GRB2: variants seen among roughly 807,000 people sequenced by gnomAD.
GRB2 encodes growth factor receptor-bound protein 2.
GRB2 carries 2 observed loss-of-function variants against 27.4 expected under a neutral mutation model. The observed-to-expected ratio is 0.07, with a 90% CI of 0.03 to 0.23. The LOEUF is 0.23. Among genes scored for constraint, GRB2 ranks in the 10% least tolerant of loss-of-function variants. The pLI, the probability that GRB2 is intolerant of heterozygous loss-of-function variation, is 1.00. For missense variants in GRB2, 102 were observed against 282.4 expected, an observed-to-expected ratio of 0.36 and a Z score of 4.58; for synonymous variants, 94 against 99.6, an observed-to-expected ratio of 0.94 and a Z score of 0.33.
At chr17:75,370,121 A>G (rs1246539645) in intron 2 of GRB2, among the ~76,000 whole-genome samples, 1 of 152,214 alleles carries the variant, frequency 6.6e-6, no homozygotes, top group African/African-American at 2.4e-5. Context: ...TAAATTCATT[A>G]TTTTGTGGAT....
chr17:75,325,325 T>C (rs905543510), intron 4 of GRB2, among the ~76,000 whole-genome samples: 22 of 152,014 alleles, frequency 1.4e-4, no homozygotes, highest in African/African-American at 5.3e-4. Context: ...ACAGCTGAGG[T>C]GTGAATTGTT....
intron 2 of GRB2, among the ~76,000 whole-genome samples, chr17:75,334,304 G>C (rs1365221281): frequency 6.6e-6 from 1 of 152,062 alleles, no homozygotes; most frequent in Non-Finnish European, 1.5e-5. Context: ...CCGAGTGGCT[G>C]GGACTACAGG....
intron 1 of GRB2, chr17:75,394,042 G>A (rs565679003): frequency 4.4e-5 from 9 of 203,352 alleles, no homozygotes; most frequent in Non-Finnish European, 8.1e-5. Context: ...CTGCGTGCAG[G>A]AACCGGCTGG....
chr17:75,345,322 G>A (rs1358691495), intron 2 of GRB2, among the ~76,000 whole-genome samples: 1 of 152,086 alleles, frequency 6.6e-6, no homozygotes, highest in Non-Finnish European at 1.5e-5. Context: ...GGGATTACAG[G>A]CGTGAACCAC....
At chr17:75,329,010 G>C (rs2078521190) in intron 3 of GRB2, among the ~76,000 whole-genome samples, 1 of 152,076 alleles carries the variant, frequency 6.6e-6, no homozygotes, top group Non-Finnish European at 1.5e-5. Flanking sequence ...CTCAATCGGG[G>C]GGCCCCAATC....
intron 2 of GRB2, among the ~76,000 whole-genome samples, chr17:75,356,135 T>C (rs2078732070): frequency 6.6e-6 from 1 of 152,108 alleles, no homozygotes; most frequent in South Asian, 2.1e-4. Context: ...CACCTGGCCC[T>C]ATCTATCTTA....
rs142498317 is a variant in GRB2 at position 75,346,815 on chromosome 17, G to A, written c.79-14018C>T. On this transcript the variant is annotated intron_variant, in intron 2 of 5. Transcript: ENST00000316804. ...CAAACTCCTAACCTCAAGTCACCTT[G>A]GCCTCTCAAAGTGCTGGGATTACAG... Among the ~76,000 whole-genome samples, 18 of 151,878 alleles carry A rather than the reference G, an allele frequency of 1.2e-4. No individual in the cohort carries two copies. In the East Asian group the frequency reaches 3.1e-3, roughly 26 times the overall value.
At chr17:75,366,845 T>C (rs1473801837) in intron 2 of GRB2, among the ~76,000 whole-genome samples, 1 of 152,062 alleles carries the variant, frequency 6.6e-6, no homozygotes, top group Non-Finnish European at 1.5e-5. Flanking sequence ...AAATTTTTTT[T>C]CCCTGAAATA....
rs1311930819 is a variant in GRB2 at position 75,337,898 on chromosome 17, CTACTATTATTAT to C, written c.79-5113_79-5102del. Among the ~76,000 whole-genome samples the C allele has an allele frequency of 2.5e-3, 333 of 133,504 alleles. 3 individuals are homozygous for C. Among genetic ancestry groups the C allele is most frequent in the Middle Eastern group, 0.015 (4 of 262 alleles). The allele number at this position is 133,504 out of a possible 152,430, so 87.6% of individuals were successfully genotyped here. On this transcript the variant is annotated intron_variant, in intron 2 of 5. Coordinates refer to ENST00000316804, the MANE Select transcript of GRB2 (RefSeq NM_002086.5). ...ACTACTACTACTACTACTACTACTACTACTATTATTATTATTATTATTATTATTATTATTATT... is the reference window on the plus strand; with the variant it reads ...ACTACTACTACTACTACTACTACTACTATTATTATTATTATTATTATTATT...
chr17:75,337,552 T>A (rs1413366146), intron 2 of GRB2, among the ~76,000 whole-genome samples: 1 of 149,276 alleles, frequency 6.7e-6, no homozygotes, highest in Non-Finnish European at 1.5e-5. Flanking sequence ...ACAAATAATT[T>A]TTATTTTATT....
intron 2 of GRB2, among the ~76,000 whole-genome samples, chr17:75,388,142 G>A (rs1179373478): frequency 6.6e-6 from 1 of 152,074 alleles, no homozygotes; most frequent in Admixed American, 6.5e-5. Flanking sequence ...GGTTGCCCAG[G>A]CTGGAGTGGA....
chr17:75,351,911 C>A (rs754361485), intron 2 of GRB2, among the ~76,000 whole-genome samples: 1 of 152,152 alleles, frequency 6.6e-6, no homozygotes, highest in Non-Finnish European at 1.5e-5. Context: ...TCACTTATCA[C>A]GTATAGTTAC....
At chr17:75,326,638 G>A (rs144284949) in intron 3 of GRB2, among the ~76,000 whole-genome samples, 265 of 152,332 alleles carry the variant, frequency 1.7e-3, no homozygotes, top group African/African-American at 5.3e-3. Context: ...AAGCCACCAG[G>A]AATATTGTAA....
intron 2 of GRB2, among the ~76,000 whole-genome samples, chr17:75,336,749 T>TGA (rs1318185487): frequency 1.3e-5 from 2 of 152,290 alleles, no homozygotes; most frequent in East Asian, 3.9e-4. Flanking sequence ...TTTTTTTTTT[T>TGA]GAGAGAGTCT....
intron 2 of GRB2, among the ~76,000 whole-genome samples, chr17:75,357,867 G>C (rs1169441541): frequency 6.6e-6 from 1 of 152,116 alleles, no homozygotes; most frequent in Admixed American, 6.5e-5. Flanking sequence ...GTTGTAGAGA[G>C]CCAAGATCGC....
chr17:75,403,009 A>G (rs1292948268), intron 1 of GRB2, among the ~76,000 whole-genome samples: 1 of 139,558 alleles, frequency 7.2e-6, no homozygotes, highest in Non-Finnish European at 1.5e-5. Flanking sequence ...CAGGAGGTGG[A>G]AGTTGTGGTG....
At chr17:75,339,495 G>C (rs2078606018) in intron 2 of GRB2, among the ~76,000 whole-genome samples, 1 of 151,946 alleles carries the variant, frequency 6.6e-6, no homozygotes, top group Admixed American at 6.6e-5. Context: ...ATATGTACAA[G>C]TCAATGGAAG....
At chr17:75,376,520 C>CA (rs1001049290) in intron 2 of GRB2, among the ~76,000 whole-genome samples, 79,932 of 124,418 alleles carry the variant, frequency 0.64, 27,310 homozygotes, top group East Asian at 0.89. Context: ...GACTCTGTTT[C>CA]AAAAAAAAAA....
chr17:75,348,120 A>G (rs2078666602), intron 2 of GRB2, among the ~76,000 whole-genome samples: 1 of 152,210 alleles, frequency 6.6e-6, no homozygotes, highest in Non-Finnish European at 1.5e-5. Context: ...AGCTCAATGC[A>G]GCCTCAGCCT....
Sources: allele counts gnomAD v4.1 joint callset (sites outside exome capture counted in the v4.1 genomes callset), GRCh38; gene constraint gnomAD v4.1.1; transcripts MANE v1.5; gene names NCBI Gene and HGNC (gene_info 2026-07-23, HGNC 2026-07-21).